Variants in ANGPTL6 observed in about 807,000 individuals in gnomAD.
The protein encoded by ANGPTL6 is angiopoietin-related protein 6.
In ANGPTL6, 45 loss-of-function variants were observed where a neutral mutation model predicts 47.4. The observed-to-expected ratio is 0.95, with a 90% CI of 0.75 to 1.22. The LOEUF is 1.22. Ranked by LOEUF, ANGPTL6 falls within the 50% of genes most tolerant of loss-of-function variation. The pLI, the probability that ANGPTL6 is intolerant of heterozygous loss-of-function variation, is 0.00. For missense variants in ANGPTL6, 698 were observed against 669.4 expected, an observed-to-expected ratio of 1.04 and a Z score of -0.47; for synonymous variants, 290 against 295.9, an observed-to-expected ratio of 0.98 and a Z score of 0.20.
chr19:10,093,851 G>A lies in ANGPTL6; in HGVS notation c.793C>T (p.Gln265Ter). The A allele has an allele frequency of 1.9e-6, 3 of 1,611,158 alleles. No homozygotes were observed. Among genetic ancestry groups the A allele is most frequent in the Non-Finnish European group, 2.5e-6 (3 of 1,180,026 alleles). ...GPWQDCAEAR[Q>*]AGHEQSGVYE... is the part of the protein sequence containing the mutation. ...ACTCCACTCTGTTCATGGCCTGCCT[G>A]GCGGGCCTCTGCACAATCCTGCCAC... Residue 265 changes from glutamine to a stop codon, truncating the protein, a stop_gained, in exon 4 of 6, where the codon CAG becomes TAG. Transcript: ENST00000253109. LOFTEE classifies it high-confidence loss of function.
chr19:10,097,304 C>T (rs1303996910), intron 1 of ANGPTL6, among the ~76,000 whole-genome samples: 1 of 151,620 alleles, frequency 6.6e-6, no homozygotes, highest in Non-Finnish European at 1.5e-5. Flanking sequence ...ATCGCCTGAG[C>T]CCAGCAGTTC....
At chr19:10,100,324 G>A (rs2088650916) in intron 1 of ANGPTL6, among the ~76,000 whole-genome samples, 1 of 151,932 alleles carries the variant, frequency 6.6e-6, no homozygotes, top group South Asian at 2.1e-4. Flanking sequence ...GCTCACTGTA[G>A]CCTCCAATTC....
At chr19:10,095,730 A>C (rs2088511915) in intron 2 of ANGPTL6, among the ~76,000 whole-genome samples, 1 of 152,184 alleles carries the variant, frequency 6.6e-6, no homozygotes, top group African/African-American at 2.4e-5. Context: ...ACACTCCTAA[A>C]GGGGTTTTTG....
At chr19:10,095,060 G>C in intron 2 of ANGPTL6, 122 bp from the exon 3 acceptor site, 1 of 1,051,494 alleles carries the variant, frequency 9.5e-7, no homozygotes, top group Non-Finnish European at 1.3e-6. Context: ...TCTGGCAGTG[G>C]GGGTGTCCCA....
chr19:10,094,568 A>C, intron 3 of ANGPTL6, 190 bp downstream of exon 3: 1 of 715,352 alleles, frequency 1.4e-6, no homozygotes, highest in Admixed American at 2.8e-5. Context: ...TCGCCTCACT[A>C]AAGTAAGAGT....
upstream of ANGPTL6, among the ~76,000 whole-genome samples, chr19:10,103,491 G>A (rs2088730952): frequency 6.6e-6 from 1 of 151,472 alleles, no homozygotes; most frequent in African/African-American, 2.4e-5. Context: ...GCGGGAGGCT[G>A]AGGCAGGAGA....
chr19:10,094,883 G>A lies in ANGPTL6; in HGVS notation c.638C>T (p.Thr213Ile). Residue 213 changes from threonine (T) to isoleucine (I), a missense_variant, in exon 3 of 6, where the codon ACC becomes ATC. By Grantham distance (89) the Thr-to-Ile change is moderately conservative (BLOSUM62 -1). Coordinates refer to ENST00000253109, the MANE Select transcript of ANGPTL6 (RefSeq NM_031917.3). ...PVVPVRLVGSTSDTSRMLDPA... is the reference protein window; with the variant it reads ...PVVPVRLVGSISDTSRMLDPA... The stretch of plus-strand genomic sequence containing the variant: ...GTCCAGCATCCTACTGGTGTCACTG[G>A]TGCTACCCACAAGACGGACCGGAAC... 1 of 1,614,176 alleles carries A rather than the reference G, an allele frequency of 6.2e-7. No homozygotes were observed. Among genetic ancestry groups the A allele is most frequent in the Non-Finnish European group, 8.5e-7 (1 of 1,180,014 alleles).
chr19:10,101,058 A>G (rs1421755341), intron 1 of ANGPTL6, among the ~76,000 whole-genome samples: 2 of 151,620 alleles, frequency 1.3e-5, no homozygotes, highest in Admixed American at 6.6e-5. Flanking sequence ...AAAATACAAA[A>G]ATTAGCCAGG....
Position 10,093,738 on chromosome 19 carries a change from C to T in ANGPTL6, c.906G>A (p.Arg302=), listed in dbSNP as rs747211021. ...EGGGWTVIQR[R]QDGSVNFFTT... Reference sequence around the variant, plus strand: ...TGAAGAAGTTGACTGAACCATCTTGCCTCCGCTGGATCACAGTCCAGCCTC... The same window carrying T: ...TGAAGAAGTTGACTGAACCATCTTGTCTCCGCTGGATCACAGTCCAGCCTC... Residue 302 remains arginine (R), a synonymous_variant, in exon 4 of 6, where the codon AGG becomes AGA. Transcript: ENST00000253109. 13 of 1,614,162 alleles carry T rather than the reference C, an allele frequency of 8.1e-6. No homozygotes were observed. The East Asian group carries it at 2.9e-4, about 36-fold the overall frequency.
chr19:10,105,357 TGG>T (rs2088793523), upstream of ANGPTL6, among the ~76,000 whole-genome samples: 1 of 151,434 alleles, frequency 6.6e-6, no homozygotes, highest in Non-Finnish European at 1.5e-5. Context: ...CAGATGGAGA[TGG>T]GAGAGGCATA....
chr19:10,103,549 A>C (rs2088732207), upstream of ANGPTL6, among the ~76,000 whole-genome samples: 1 of 151,208 alleles, frequency 6.6e-6, no homozygotes, highest in Admixed American at 6.6e-5. Flanking sequence ...GAGATCGAGC[A>C]ACCGCATGCA....
In ANGPTL6 at chr19:10,095,856, G is replaced by A. The variant is rs2088515144; in HGVS notation, c.582+126C>T. 3 of 545,568 alleles carry A rather than the reference G, an allele frequency of 5.5e-6. No homozygotes were observed. In the East Asian group the frequency reaches 1.0e-4, roughly 19 times the overall value. The allele number at this position is 545,568 out of a possible 1,614,324, so 33.8% of individuals were successfully genotyped here. On this transcript the variant is annotated intron_variant, in intron 2 of 5. Coordinates refer to ENST00000253109, the MANE Select transcript of ANGPTL6 (RefSeq NM_031917.3). ...ACTTTTTGACCCAAATAAGTTACCA[G>A]AAGGGGCGAGTAGGAATCCGGTTTT...
Position 10,094,904 on chromosome 19 carries a change from G to T in ANGPTL6, c.617C>A (p.Pro206Gln). 1 of 1,612,250 alleles carries T rather than the reference G, an allele frequency of 6.2e-7. No individual in the cohort carries two copies. Among genetic ancestry groups the T allele is most frequent in the South Asian group, 1.1e-5 (1 of 91,006 alleles). Residue 206 changes from proline (P) to glutamine (Q), a missense_variant, in exon 3 of 6, where the codon CCG becomes CAG. By Grantham distance (76) the Pro-to-Gln change is moderately conservative (BLOSUM62 -1). Transcript: ENST00000253109. ...LPPPPLVPVVPVRLVGSTSDT... is the reference protein window; with the variant it reads ...LPPPPLVPVVQVRLVGSTSDT... ...ACTGGTGCTACCCACAAGACGGACC[G>T]GAACCACAGGCACCAGTGGGGGTGG...
At chr19:10,101,189 A>G (rs2088668584) in intron 1 of ANGPTL6, among the ~76,000 whole-genome samples, 1 of 151,762 alleles carries the variant, frequency 6.6e-6, no homozygotes, top group South Asian at 2.1e-4. Flanking sequence ...AGCCTGGGCA[A>G]TAGAGCGAGA....
At position 10,094,807 on chromosome 19, in the gene ANGPTL6, C is replaced by A. The variant is rs1260808165; in HGVS notation, c.714G>T (p.Met238Ile). 1 of 1,614,230 alleles carries A rather than the reference C, an allele frequency of 6.2e-7. No individual in the cohort carries two copies. The highest frequency in any genetic ancestry group is 8.5e-7 in the Non-Finnish European group (1 of 1,180,038). Residue 238 changes from methionine to isoleucine, a missense_variant, in exon 3 of 6, where the codon ATG becomes ATT. Coordinates refer to ENST00000253109, the MANE Select transcript of ANGPTL6 (RefSeq NM_031917.3). Reference sequence around the variant, plus strand: ...GGTGACCTGCAGGCATGGGAGAAGCCATGGGCTCCTGCTGTCTCTGGGTCT... The same window carrying A: ...GGTGACCTGCAGGCATGGGAGAAGCAATGGGCTCCTGCTGTCTCTGGGTCT... ...RDQTQRQQEP[M>I]ASPMPAGHPA...
chr19:10,092,436 TG>T lies in ANGPTL6; in HGVS notation c.*152del, dbSNP rs1407705672. 26 of 1,522,014 alleles carry T rather than the reference TG, an allele frequency of 1.7e-5. No individual in the cohort carries two copies. The East Asian group carries it at 6.1e-4, about 36-fold the overall frequency. 94.3% of individuals were successfully genotyped at this position (1,522,014 alleles called of 1,614,324 possible). ...CCAAGATATTGACGGGGGGGATTCC[TG>T]GGTCCCATTTTCAGCGCCCAGGGTC... On this transcript the variant is annotated 3_prime_UTR_variant, in exon 6 of 6. Coordinates refer to ENST00000253109, the MANE Select transcript of ANGPTL6 (RefSeq NM_031917.3).
At chr19:10,104,623 A>T (rs2145191687), upstream of ANGPTL6, among the ~76,000 whole-genome samples, 1 of 152,268 alleles carries the variant, frequency 6.6e-6, no homozygotes, top group Non-Finnish European at 1.5e-5. Context: ...TGACTTCTGC[A>T]TTGGAACTAT....
At chr19:10,099,873 CTCT>C (rs1465909516) in intron 1 of ANGPTL6, among the ~76,000 whole-genome samples, 18 of 148,272 alleles carry the variant, frequency 1.2e-4, no homozygotes, top group African/African-American at 3.9e-4. Flanking sequence ...CTCTCTCTCT[CTCT>C]CCCCCACGCC....
intron 1 of ANGPTL6, among the ~76,000 whole-genome samples, chr19:10,100,675 G>A (rs1299341492): frequency 2.0e-5 from 3 of 152,216 alleles, no homozygotes; most frequent in Admixed American, 2.0e-4. Flanking sequence ...TAGGCAATGA[G>A]GACACAGCCT....
Sources: allele counts gnomAD v4.1 joint callset (sites outside exome capture counted in the v4.1 genomes callset), GRCh38; gene constraint gnomAD v4.1.1; transcripts MANE v1.5; gene names NCBI Gene and HGNC (gene_info 2026-07-23, HGNC 2026-07-21).